KALRN: variants seen among roughly 807,000 people sequenced by gnomAD.
KALRN encodes the protein kalirin RhoGEF kinase, also known as kalirin.
Under a neutral mutation model 353.7 loss-of-function variants are expected in KALRN, and 70 were observed. The ratio of observed to expected loss-of-function variants is 0.20; its 90% confidence interval spans 0.16 to 0.24. The LOEUF (loss-of-function observed/expected upper bound fraction) is 0.24, where lower values mean the gene tolerates loss of function less well. Ranked by LOEUF, KALRN falls within the 10% of genes least tolerant of loss-of-function variation. KALRN has a pLI of 1.00. For synonymous variants in KALRN, 1,391 were observed against 1,434.8 expected (o/e 0.97, Z 0.69); for missense variants, 2,791 against 3,756.7 (o/e 0.74, Z 6.72).
At chr3:124,710,914 T>C (rs1471346714) in intron 57 of KALRN, among the ~76,000 whole-genome samples, 1 of 152,198 alleles carries the variant, frequency 6.6e-6, no homozygotes, top group African/African-American at 2.4e-5. Flanking sequence ...AGCAGTACCT[T>C]GAGATGGCCA....
At chr3:124,132,669 C>A (rs537491074) in intron 1 of KALRN, among the ~76,000 whole-genome samples, 63 of 152,292 alleles carry the variant, frequency 4.1e-4, no homozygotes, top group Non-Finnish European at 8.2e-4. Flanking sequence ...GAACCAGGGC[C>A]TTGTAACTCA....
At chr3:124,635,865 T>A (rs1205451678) in intron 36 of KALRN, among the ~76,000 whole-genome samples, 4 of 152,218 alleles carry the variant, frequency 2.6e-5, no homozygotes. Context: ...CCATAATGTG[T>A]TTGATCAGCC....
chr3:124,291,921 C>G (rs985307090), intron 5 of KALRN, among the ~76,000 whole-genome samples: 4 of 152,188 alleles, frequency 2.6e-5, no homozygotes, highest in African/African-American at 9.7e-5. Context: ...GCCTCTCAGG[C>G]CCATATCCCA....
intron 5 of KALRN, 65 bp downstream of exon 5, chr3:124,269,320 A>G (rs1366405826): frequency 1.4e-6 from 2 of 1,472,256 alleles, no homozygotes; most frequent in African/African-American, 1.4e-5. Context: ...TGCTCATCCA[A>G]CTTTCTGATT....
intron 1 of KALRN, among the ~76,000 whole-genome samples, chr3:124,113,162 C>G (rs2149521123): frequency 1.3e-5 from 2 of 152,314 alleles, no homozygotes; most frequent in Middle Eastern, 6.8e-3. Context: ...GCTCATAGCT[C>G]TACCACTTAC....
At chr3:124,493,934 A>AG (rs760042414) in intron 32 of KALRN, among the ~76,000 whole-genome samples, 9 of 152,168 alleles carry the variant, frequency 5.9e-5, no homozygotes, top group Non-Finnish European at 1.3e-4. Context: ...CCAGGTAAGG[A>AG]GGGGGTGGAC....
intron 47 of KALRN, among the ~76,000 whole-genome samples, chr3:124,669,249 T>C (rs901730514): frequency 4.6e-5 from 7 of 152,218 alleles, no homozygotes; most frequent in Non-Finnish European, 7.3e-5. Flanking sequence ...AACTGCAGTA[T>C]AGGTGCTAGT....
chr3:124,207,726 AC>A (rs1457510676), intron 1 of KALRN, among the ~76,000 whole-genome samples: 2 of 152,184 alleles, frequency 1.3e-5, no homozygotes, highest in African/African-American at 4.8e-5. Flanking sequence ...AACAATATGT[AC>A]CCCTTAGGGT....
At chr3:124,515,798 A>T (rs1288860059) in intron 33 of KALRN, among the ~76,000 whole-genome samples, 1 of 152,202 alleles carries the variant, frequency 6.6e-6, no homozygotes, top group Non-Finnish European at 1.5e-5. Context: ...TTGAAAAATC[A>T]TCTCAATAAT....
chr3:124,537,041 C>A (rs2068575299), intron 33 of KALRN, among the ~76,000 whole-genome samples: 2 of 152,014 alleles, frequency 1.3e-5, no homozygotes, highest in Non-Finnish European at 2.9e-5. Flanking sequence ...AAACCTACTC[C>A]ATAAGAGAAT....
At chr3:124,108,207 A>G (rs2062497739) in intron 1 of KALRN, among the ~76,000 whole-genome samples, 1 of 152,110 alleles carries the variant, frequency 6.6e-6, no homozygotes, top group Admixed American at 6.5e-5. Context: ...GGGGGTAGTG[A>G]TTCTGGGATA....
At chr3:124,618,795 C>T (rs529572915) in intron 34 of KALRN, among the ~76,000 whole-genome samples, 5 of 152,204 alleles carry the variant, frequency 3.3e-5, no homozygotes, top group Admixed American at 1.3e-4. Flanking sequence ...ACTCCAGCCT[C>T]GGAAATTGGT....
At chr3:124,352,326 A>C (rs1314027967) in intron 10 of KALRN, among the ~76,000 whole-genome samples, 1 of 152,182 alleles carries the variant, frequency 6.6e-6, no homozygotes, top group African/African-American at 2.4e-5. Context: ...GATATTTGCT[A>C]TTATGAGGTA....
chr3:124,425,442 T>C (rs563588705), intron 15 of KALRN, among the ~76,000 whole-genome samples: 5 of 152,216 alleles, frequency 3.3e-5, no homozygotes, highest in African/African-American at 1.2e-4. Context: ...TGGTCTGAGG[T>C]TTTCCTGACC....
chr3:124,231,143 G>C (rs1443279396), intron 2 of KALRN, among the ~76,000 whole-genome samples: 1 of 152,162 alleles, frequency 6.6e-6, no homozygotes, highest in Non-Finnish European at 1.5e-5. Flanking sequence ...GAATAATCCA[G>C]GGCAGCCCAG....
At chr3:124,171,118 A>G (rs2071757954) in intron 1 of KALRN, among the ~76,000 whole-genome samples, 1 of 151,984 alleles carries the variant, frequency 6.6e-6, no homozygotes, top group African/African-American at 2.4e-5. Flanking sequence ...CACCTGGCCC[A>G]TTTCTACATT....
rs181806908 is a variant in KALRN, at chr3:124,702,439, C to G, written c.8075+323C>G. ...TTCCTTATAAGTTATATGTAGTTGT[C>G]TTCAACTGTGAATTTTTCTTTGACC... On this transcript the variant is annotated intron_variant, in intron 57 of 59. Transcript: ENST00000682506. Among the ~76,000 whole-genome samples, 446 of 152,192 alleles carry G rather than the reference C, an allele frequency of 2.9e-3. 1 individual carries two copies. Among genetic ancestry groups the G allele is most frequent in the Non-Finnish European group, 5.4e-3 (369 of 67,998 alleles).
At chr3:124,485,696 A>G (rs969973311) in intron 28 of KALRN, among the ~76,000 whole-genome samples, 9 of 152,154 alleles carry the variant, frequency 5.9e-5, no homozygotes, top group Non-Finnish European at 1.2e-4. Context: ...CCTGACCAAT[A>G]TGGTGAAACT....
chr3:124,110,894 T>G (rs1490535663), intron 1 of KALRN, among the ~76,000 whole-genome samples: 1 of 152,202 alleles, frequency 6.6e-6, no homozygotes, highest in African/African-American at 2.4e-5. Flanking sequence ...CTTTCTGCTT[T>G]CCTACTCCTC....
Sources: gnomAD v4.1 joint callset for allele counts (sites outside exome capture counted in the v4.1 genomes callset) on GRCh38, gnomAD v4.1.1 for gene constraint, MANE v1.5 for transcripts, NCBI Gene and HGNC (gene_info 2026-07-23, HGNC 2026-07-21) for gene names.